Variants in TBC1D22B observed in about 807,000 individuals in gnomAD.
TBC1D22B encodes chromosome 6 open reading frame 197.
TBC1D22B carries 32 observed loss-of-function variants against 69.1 expected under a neutral mutation model. The ratio of observed to expected loss-of-function variants is 0.46; its 90% CI spans 0.35 to 0.62. TBC1D22B has a LOEUF of 0.62. TBC1D22B is among the 20% of genes least tolerant of loss of function. The pLI, the probability that TBC1D22B is intolerant of heterozygous loss-of-function variation, is 0.00. For synonymous variants in TBC1D22B, 206 were observed against 229.8 expected (o/e 0.90, Z 0.94); for missense variants, 462 against 630.9 (o/e 0.73, Z 2.87).
chr6:37,257,777 C>G lies in TBC1D22B; in HGVS notation c.-141C>G, dbSNP rs909077502. The G allele has an allele frequency of 1.1e-6, 1 of 913,818 alleles. No homozygotes were observed. The highest frequency in any genetic ancestry group is 1.7e-5 in the African/African-American group (1 of 60,014). 56.6% of individuals were successfully genotyped at this position (913,818 alleles called of 1,614,324 possible). A position where few individuals can be genotyped will look rare whatever the true frequency, so the allele number is the denominator to read the frequency against. ...TGCTGGGTGGAGGGGTGCCCACATC[C>G]AAGATGGCGTCCCCAGGAGCTGGGA... On this transcript the variant is annotated 5_prime_UTR_variant, in exon 1 of 13. Coordinates refer to ENST00000373491, the MANE Select transcript of TBC1D22B (RefSeq NM_017772.4).
At chr6:37,328,567 AT>A (rs1768495579) in intron 12 of TBC1D22B, among the ~76,000 whole-genome samples, 2 of 152,232 alleles carry the variant, frequency 1.3e-5, no homozygotes, top group Non-Finnish European at 2.9e-5. Flanking sequence ...ATTAGAGGAA[AT>A]GCTTACGGTA....
intron 12 of TBC1D22B, among the ~76,000 whole-genome samples, chr6:37,325,973 C>T (rs1012419385): frequency 3.3e-5 from 5 of 152,122 alleles, no homozygotes; most frequent in Non-Finnish European, 5.9e-5. Context: ...GCATCACTTC[C>T]CTTGGGGGAA....
intron 2 of TBC1D22B, among the ~76,000 whole-genome samples, chr6:37,272,104 A>G (rs1393272295): frequency 6.6e-6 from 1 of 151,808 alleles, no homozygotes; most frequent in East Asian, 1.9e-4. Context: ...GGGTCGCTCT[A>G]TTGAGGCTGG....
intron 2 of TBC1D22B, among the ~76,000 whole-genome samples, chr6:37,273,183 CAAAAAA>C (rs58720560): frequency 3.9e-5 from 3 of 77,256 alleles, no homozygotes; most frequent in Non-Finnish European, 5.0e-5. Flanking sequence ...AACCCCGAGG[CAAAAAA>C]AAAAAAAAAA....
chr6:37,329,308 T>G (rs1768517977), intron 12 of TBC1D22B, among the ~76,000 whole-genome samples: 1 of 152,278 alleles, frequency 6.6e-6, no homozygotes, highest in Non-Finnish European at 1.5e-5. Flanking sequence ...CTTCATATAC[T>G]GATACATGTA....
At chr6:37,281,679 C>A (rs571532438) in intron 3 of TBC1D22B, among the ~76,000 whole-genome samples, 3 of 152,292 alleles carry the variant, frequency 2.0e-5, no homozygotes, top group African/African-American at 7.2e-5. Flanking sequence ...TTTATTGCAG[C>A]CTTGTGCTTT....
intron 8 of TBC1D22B, among the ~76,000 whole-genome samples, chr6:37,311,962 A>G (rs1295881443): frequency 6.6e-6 from 1 of 152,224 alleles, no homozygotes; most frequent in African/African-American, 2.4e-5. Flanking sequence ...TAGGAAGGAC[A>G]CATCACATAG....
rs534180585 is a variant in TBC1D22B at position 37,310,524 on chromosome 6, C to G, written c.983-2394C>G. The stretch of plus-strand genomic sequence containing the variant: ...TCGCTACTGAAAATACAAAATTAGC[C>G]AGGCATAGTGGCTCATGCCTGTGAT... On this transcript the variant is annotated intron_variant, in intron 8 of 12. Transcript: ENST00000373491. Among the ~76,000 whole-genome samples, 40 of 152,160 alleles carry G rather than the reference C, an allele frequency of 2.6e-4. 1 individual carries two copies. Among genetic ancestry groups the G allele is most frequent in the South Asian group, 2.1e-3 (10 of 4,818 alleles).
At position 37,273,792 on chromosome 6, in the gene TBC1D22B, C is replaced by T. The variant is rs149597153; in HGVS notation, c.113+4142C>T. On this transcript the variant is annotated intron_variant, in intron 2 of 12. Transcript: ENST00000373491. ...ACCATTTTACAATTTCAGATTGTTG[C>T]CATAAAACATTTATCACCTCTATTT... Among the ~76,000 whole-genome samples the T allele has an allele frequency of 4.6e-5, 7 of 152,254 alleles. No homozygotes were observed. In the East Asian group the frequency reaches 1.4e-3, roughly 29 times the overall value.
intron 12 of TBC1D22B, among the ~76,000 whole-genome samples, chr6:37,319,372 C>A (rs1359341162): frequency 6.6e-6 from 1 of 152,198 alleles, no homozygotes; most frequent in Non-Finnish European, 1.5e-5. Flanking sequence ...ATTTAGTTAT[C>A]ATGAGCCAGG....
At chr6:37,297,866 TA>T (rs1767432052) in intron 8 of TBC1D22B, among the ~76,000 whole-genome samples, 2 of 152,188 alleles carry the variant, frequency 1.3e-5, no homozygotes, top group African/African-American at 4.8e-5. Context: ...TATGCAGCCA[TA>T]AAAAAGAATG....
intron 8 of TBC1D22B, among the ~76,000 whole-genome samples, chr6:37,297,705 A>G (rs1472596138): frequency 1.3e-5 from 2 of 152,222 alleles, no homozygotes; most frequent in African/African-American, 4.8e-5. Flanking sequence ...ATGTTTATTA[A>G]AAAATCAAAA....
At chr6:37,274,450 C>G (rs543381308) in intron 2 of TBC1D22B, among the ~76,000 whole-genome samples, 1 of 152,132 alleles carries the variant, frequency 6.6e-6, no homozygotes, top group African/African-American at 2.4e-5. Flanking sequence ...AACACTTTAC[C>G]AAGTCAAATG....
At chr6:37,261,295 G>T (rs1021237001) in intron 1 of TBC1D22B, among the ~76,000 whole-genome samples, 20 of 152,002 alleles carry the variant, frequency 1.3e-4, no homozygotes, top group African/African-American at 4.8e-4. Flanking sequence ...AGCTGGGCTT[G>T]GTGGTGTGTG....
At chr6:37,290,853 G>A (rs146489879) in intron 7 of TBC1D22B, among the ~76,000 whole-genome samples, 168 of 151,906 alleles carry the variant, frequency 1.1e-3, no homozygotes, top group Middle Eastern at 3.4e-3. Flanking sequence ...TTAGAAAAAA[G>A]CATCAGAACT....
In TBC1D22B at chr6:37,257,990, G is replaced by A. The variant is rs375080602; in HGVS notation, c.56+17G>A. Reference sequence around the variant, plus strand: ...GCCGGGGAGGTGAGCCCAGGACGCTGAGAGGGATAGGGGATTGGACCAAAC... The same window carrying A: ...GCCGGGGAGGTGAGCCCAGGACGCTAAGAGGGATAGGGGATTGGACCAAAC... On this transcript the variant is annotated intron_variant, in intron 1 of 12. Transcript: ENST00000373491. 39 of 1,613,678 alleles carry A rather than the reference G, an allele frequency of 2.4e-5. No individual in the cohort carries two copies. In the African/African-American group the frequency reaches 5.2e-4, roughly 21 times the overall value.
intron 5 of TBC1D22B, among the ~76,000 whole-genome samples, chr6:37,284,007 G>A (rs954000558): frequency 6.6e-6 from 1 of 152,176 alleles, no homozygotes; most frequent in South Asian, 2.1e-4. Flanking sequence ...CCATGACTTG[G>A]GTCCAGCTCC....
intron 8 of TBC1D22B, among the ~76,000 whole-genome samples, chr6:37,303,521 C>T (rs1008726888): frequency 4.6e-5 from 7 of 152,144 alleles, no homozygotes; most frequent in Admixed American, 6.5e-5. Flanking sequence ...TTCTCACCCC[C>T]GGTTTTATCT....
chr6:37,297,784 T>C (rs1056807444), intron 8 of TBC1D22B, among the ~76,000 whole-genome samples: 1 of 152,198 alleles, frequency 6.6e-6, no homozygotes, highest in African/African-American at 2.4e-5. Context: ...AGTAAAGACT[T>C]GGAACCAACC....
Sources: gnomAD v4.1 joint callset for allele counts (sites outside exome capture counted in the v4.1 genomes callset) on GRCh38, gnomAD v4.1.1 for gene constraint, MANE v1.5 for transcripts, NCBI Gene and HGNC (gene_info 2026-07-23, HGNC 2026-07-21) for gene names.